NTM: variants seen among roughly 807,000 people sequenced by gnomAD.
NTM encodes the protein neurotrimin.
In NTM, 13 loss-of-function variants were observed where a neutral mutation model predicts 42.1. The observed-to-expected ratio is 0.31, with a 90% CI of 0.20 to 0.49. The LOEUF is 0.49. Among genes scored for constraint, NTM ranks in the 20% least tolerant of loss-of-function variants. NTM has a pLI of 0.99. For missense variants in NTM, 373 were observed against 452.8 expected, an observed-to-expected ratio of 0.82 and a Z score of 1.60; for synonymous variants, 187 against 179.2, an observed-to-expected ratio of 1.04 and a Z score of -0.35.
At chr11:131,573,868 C>A (rs1380698618) in intron 1 of NTM, among the ~76,000 whole-genome samples, 1 of 152,126 alleles carries the variant, frequency 6.6e-6, no homozygotes, top group African/African-American at 2.4e-5. Flanking sequence ...TTCTAGGGGG[C>A]TGGAGCACTG....
chr11:132,082,298 C>G (rs997666215), intron 2 of NTM, among the ~76,000 whole-genome samples: 4 of 151,996 alleles, frequency 2.6e-5, no homozygotes, highest in South Asian at 2.1e-4. Context: ...AAGGAAAGCT[C>G]TCAACAAAAA....
At chr11:131,500,899 C>T (rs574047436) in intron 1 of NTM, among the ~76,000 whole-genome samples, 4 of 148,140 alleles carry the variant, frequency 2.7e-5, no homozygotes, top group Non-Finnish European at 4.5e-5. Context: ...TCATCCATGT[C>T]TCTACAAAGG....
chr11:131,934,967 G>A (rs1482634466), intron 2 of NTM, among the ~76,000 whole-genome samples: 3 of 152,186 alleles, frequency 2.0e-5, no homozygotes, highest in Non-Finnish European at 4.4e-5. Flanking sequence ...ACAACAGGAC[G>A]CTGCTGCCTG....
At chr11:131,548,431 T>TGATC (rs1180676763) in intron 1 of NTM, among the ~76,000 whole-genome samples, 2 of 152,190 alleles carry the variant, frequency 1.3e-5, no homozygotes, top group African/African-American at 4.8e-5. Context: ...GGGTGAAGCC[T>TGATC]GATCATCTTT....
chr11:131,512,490 G>A (rs1017035691), intron 1 of NTM, among the ~76,000 whole-genome samples: 1 of 152,144 alleles, frequency 6.6e-6, no homozygotes, highest in African/African-American at 2.4e-5. Flanking sequence ...GACTCCCACA[G>A]CTGGGTGCCT....
intron 1 of NTM, among the ~76,000 whole-genome samples, chr11:131,597,979 G>T (rs1465745537): frequency 6.6e-6 from 1 of 152,178 alleles, no homozygotes; most frequent in African/African-American, 2.4e-5. Context: ...AGTCTGAGTG[G>T]CCCAGGCCCC....
intron 4 of NTM, among the ~76,000 whole-genome samples, chr11:132,297,769 C>T (rs2094677685): frequency 6.6e-6 from 1 of 152,054 alleles, no homozygotes. Context: ...AGGGGATGAT[C>T]CAGAGGATCA....
chr11:131,435,221 T>A (rs897256339), intron 1 of NTM, among the ~76,000 whole-genome samples: 1 of 152,158 alleles, frequency 6.6e-6, no homozygotes, highest in Non-Finnish European at 1.5e-5. Context: ...AGTCAGGTAG[T>A]GTGATGCCTC....
intron 4 of NTM, among the ~76,000 whole-genome samples, chr11:132,290,754 C>T (rs1300856056): frequency 6.6e-6 from 1 of 152,010 alleles, no homozygotes; most frequent in African/African-American, 2.4e-5. Context: ...TTAAAAAGCA[C>T]CAAGTAGTTA....
intron 1 of NTM, among the ~76,000 whole-genome samples, chr11:131,458,118 T>C (rs550464952): frequency 4.9e-4 from 75 of 152,350 alleles, no homozygotes; most frequent in African/African-American, 1.6e-3. Context: ...GTTTGATTAC[T>C]GAGCCTGGAG....
chr11:131,476,559 A>G (rs1236744916), intron 1 of NTM, among the ~76,000 whole-genome samples: 2 of 152,104 alleles, frequency 1.3e-5, no homozygotes, highest in Admixed American at 1.3e-4. Flanking sequence ...TAATGGGAGG[A>G]GGGGCAGGCT....
At position 131,795,401 on chromosome 11, in the gene NTM, T is replaced by C. The variant is rs149738555; in HGVS notation, c.83-116163T>C. 3 of 985,256 alleles carry C rather than the reference T, an allele frequency of 3.0e-6. No homozygotes were observed. The African/African-American group carries it at 5.2e-5, about 17-fold the overall frequency. The allele number at this position is 985,256 out of a possible 1,614,324, so 61.0% of individuals were successfully genotyped here. A position where few individuals can be genotyped will look rare whatever the true frequency, so the allele number is the denominator to read the frequency against. The stretch of plus-strand genomic sequence containing the variant: ...GCATCACTTAAAAAGGGAATAGTGA[T>C]ATTTTAGGACTGTCCTTAAATACAC... On this transcript the variant is annotated intron_variant, in intron 1 of 8. Transcript: ENST00000683400.
chr11:131,974,838 C>A (rs2064078313), intron 2 of NTM, among the ~76,000 whole-genome samples: 1 of 152,076 alleles, frequency 6.6e-6, no homozygotes, highest in African/African-American at 2.4e-5. Context: ...ACAGTCTGAC[C>A]TACAAAACTT....
chr11:131,397,934 C>A (rs1201858028), intron 1 of NTM, among the ~76,000 whole-genome samples: 3 of 152,276 alleles, frequency 2.0e-5, no homozygotes, highest in African/African-American at 7.2e-5. Flanking sequence ...ATCTGCTTGA[C>A]AATTATGTCA....
At chr11:132,298,983 T>G (rs1189733075) in intron 4 of NTM, among the ~76,000 whole-genome samples, 1 of 152,222 alleles carries the variant, frequency 6.6e-6, no homozygotes, top group Non-Finnish European at 1.5e-5. Context: ...TGAAAAAATC[T>G]GGTTAATAAA....
intron 1 of NTM, among the ~76,000 whole-genome samples, chr11:131,672,174 T>G (rs2070407335): frequency 6.6e-6 from 1 of 152,156 alleles, no homozygotes; most frequent in African/African-American, 2.4e-5. Flanking sequence ...GCCTGCGTGG[T>G]GCTGTCCCTC....
intron 1 of NTM, among the ~76,000 whole-genome samples, chr11:131,542,442 T>C (rs1272593251): frequency 2.6e-5 from 4 of 152,088 alleles, no homozygotes; most frequent in East Asian, 1.9e-4. Context: ...CTCCCATGGG[T>C]AAAACTTCTG....
intron 2 of NTM, among the ~76,000 whole-genome samples, chr11:131,979,254 G>A (rs571078096): frequency 4.6e-5 from 7 of 152,236 alleles, no homozygotes; most frequent in South Asian, 2.1e-4. Context: ...TGCCCTGGTC[G>A]GCTTGCTTGG....
intron 7 of NTM, among the ~76,000 whole-genome samples, chr11:132,321,034 A>G (rs956857136): frequency 4.0e-5 from 6 of 151,458 alleles, no homozygotes; most frequent in Non-Finnish European, 7.4e-5. Context: ...GTACATCACC[A>G]TCATCAAAGA....
Sources: gnomAD v4.1 joint callset for allele counts (sites outside exome capture counted in the v4.1 genomes callset) on GRCh38, gnomAD v4.1.1 for gene constraint, MANE v1.5 for transcripts, NCBI Gene and HGNC (gene_info 2026-07-23, HGNC 2026-07-21) for gene names.